MACROD2: variants seen among roughly 807,000 people sequenced by gnomAD.
MACROD2 encodes ADP-ribose glycohydrolase MACROD2.
In MACROD2, 36 loss-of-function variants were observed where a neutral mutation model predicts 70.4. The observed-to-expected ratio is 0.51, with a 90% CI of 0.39 to 0.68. The LOEUF (loss-of-function observed/expected upper bound fraction) is 0.68. Among genes scored for constraint, MACROD2 ranks in the 30% least tolerant of loss-of-function variants. MACROD2 has a pLI of 0.00. For synonymous variants in MACROD2, 172 were observed against 178.8 expected, an observed-to-expected ratio of 0.96 and a Z score of 0.30; for missense variants, 496 against 538.4, an observed-to-expected ratio of 0.92 and a Z score of 0.78.
intron 3 of MACROD2, among the ~76,000 whole-genome samples, chr20:14,282,130 A>G (rs1429030318): frequency 1.3e-5 from 2 of 151,980 alleles, no homozygotes; most frequent in African/African-American, 2.4e-5. Flanking sequence ...TCTACATTCA[A>G]TTTATTGTAA....
At chr20:14,722,695 T>C (rs778879881) in intron 5 of MACROD2, among the ~76,000 whole-genome samples, 1 of 152,206 alleles carries the variant, frequency 6.6e-6, no homozygotes, top group African/African-American at 2.4e-5. Flanking sequence ...TAAGTTCAAG[T>C]AGAATTTAGT....
chr20:15,215,035 G>A (rs954265560), intron 5 of MACROD2, among the ~76,000 whole-genome samples: 2 of 151,992 alleles, frequency 1.3e-5, no homozygotes, highest in Admixed American at 1.3e-4. Flanking sequence ...ATAATAATTA[G>A]GTATCTAAAA....
chr20:15,759,403 T>G (rs1228644439), intron 8 of MACROD2, among the ~76,000 whole-genome samples: 4 of 152,154 alleles, frequency 2.6e-5, no homozygotes, highest in Admixed American at 6.5e-5. Context: ...AAATGCCTGA[T>G]AGAGGATAAT....
At chr20:14,737,685 T>A (rs2071684013) in intron 5 of MACROD2, among the ~76,000 whole-genome samples, 1 of 152,242 alleles carries the variant, frequency 6.6e-6, no homozygotes, top group South Asian at 2.1e-4. Context: ...GGTTTTGATT[T>A]GCATTTCTCT....
chr20:14,269,071 T>A (rs2082168436), intron 3 of MACROD2, among the ~76,000 whole-genome samples: 1 of 152,190 alleles, frequency 6.6e-6, no homozygotes. Context: ...TCAGAGGACT[T>A]TTTCAGCACT....
At position 15,221,063 on chromosome 20, in the gene MACROD2, C is replaced by A. The variant is rs570215217; in HGVS notation, c.419-8877C>A. Among the ~76,000 whole-genome samples, 5 of 152,220 alleles carry A rather than the reference C, an allele frequency of 3.3e-5. No individual in the cohort carries two copies. In the South Asian group the frequency reaches 1.0e-3, roughly 32 times the overall value. On this transcript the variant is annotated intron_variant, in intron 5 of 17. Coordinates refer to ENST00000684519, the MANE Select transcript of MACROD2 (RefSeq NM_001351661.2). ...ACCCATCTGCACATTTCAGTCCCAG[C>A]CTAGATTCTGCATTTGTAGAATTAC...
intron 8 of MACROD2, among the ~76,000 whole-genome samples, chr20:15,657,405 C>A (rs1399267911): frequency 6.6e-6 from 1 of 152,152 alleles, no homozygotes; most frequent in African/African-American, 2.4e-5. Context: ...TGAATAAAAG[C>A]AGTTCCAAGC....
chr20:15,532,500 C>A (rs2047817270), intron 8 of MACROD2, among the ~76,000 whole-genome samples: 1 of 151,936 alleles, frequency 6.6e-6, no homozygotes, highest in Non-Finnish European at 1.5e-5. Flanking sequence ...AAACTTGGCA[C>A]CGTCACTGAG....
chr20:14,417,199 G>T (rs1221671694), intron 3 of MACROD2, among the ~76,000 whole-genome samples: 1 of 151,682 alleles, frequency 6.6e-6, no homozygotes, highest in Non-Finnish European at 1.5e-5. Context: ...CCCTGTTTTA[G>T]TTAAAAGTTT....
intron 5 of MACROD2, among the ~76,000 whole-genome samples, chr20:15,123,956 C>T (rs1440859205): frequency 6.6e-6 from 1 of 152,120 alleles, no homozygotes; most frequent in Admixed American, 6.6e-5. Flanking sequence ...ATAAAACTTT[C>T]TGACTCTCAG....
chr20:15,980,317 A>G (rs1480993075), intron 13 of MACROD2, among the ~76,000 whole-genome samples: 1 of 152,156 alleles, frequency 6.6e-6, no homozygotes, highest in Non-Finnish European at 1.5e-5. Flanking sequence ...AAACAATATA[A>G]AGCGATATGG....
At chr20:15,782,717 C>CAAAAAAAAATAA (rs2051854490) in intron 8 of MACROD2, among the ~76,000 whole-genome samples, 1 of 83,358 alleles carries the variant, frequency 1.2e-5, no homozygotes, top group Non-Finnish European at 2.4e-5. Context: ...AGAGAAATGG[C>CAAAAAAAAATAA]AAAAAAAAAA....
intron 3 of MACROD2, among the ~76,000 whole-genome samples, chr20:14,308,557 G>A (rs889477339): frequency 5.3e-5 from 8 of 152,060 alleles, no homozygotes; most frequent in African/African-American, 1.7e-4. Flanking sequence ...TATTAGCATG[G>A]TACTTAAGAA....
chr20:14,029,553 G>A (rs565750066), intron 2 of MACROD2, among the ~76,000 whole-genome samples: 164 of 152,242 alleles, frequency 1.1e-3, no homozygotes, highest in African/African-American at 3.6e-3. Context: ...GGAGCATCGT[G>A]TCAAAGTTGT....
intron 2 of MACROD2, among the ~76,000 whole-genome samples, chr20:14,084,144 AGGAT>A (rs2054044383): frequency 6.6e-6 from 1 of 151,626 alleles, no homozygotes; most frequent in Admixed American, 6.6e-5. Context: ...AGACAGAGAA[AGGAT>A]CATTTTTATG....
At chr20:15,155,982 T>C (rs1432945274) in intron 5 of MACROD2, among the ~76,000 whole-genome samples, 3 of 152,188 alleles carry the variant, frequency 2.0e-5, no homozygotes, top group African/African-American at 7.2e-5. Context: ...TCCTGGTGTG[T>C]GGGTTTTAAA....
intron 5 of MACROD2, among the ~76,000 whole-genome samples, chr20:15,202,294 A>C (rs2076663279): frequency 6.6e-6 from 1 of 152,198 alleles, no homozygotes; most frequent in African/African-American, 2.4e-5. Context: ...CATTTGCATA[A>C]CTACTGCTTA....
intron 4 of MACROD2, among the ~76,000 whole-genome samples, chr20:14,510,175 C>T (rs559567684): frequency 6.6e-6 from 1 of 151,978 alleles, no homozygotes; most frequent in Admixed American, 6.6e-5. Context: ...TTTATGGCAG[C>T]GTTTGGAACT....
chr20:15,982,190 G>A (rs2066411118), intron 13 of MACROD2, among the ~76,000 whole-genome samples: 1 of 152,062 alleles, frequency 6.6e-6, no homozygotes, highest in Non-Finnish European at 1.5e-5. Context: ...GGGGTTCAGA[G>A]GGGTCATAGC....
Sources: gnomAD v4.1 joint callset for allele counts (sites outside exome capture counted in the v4.1 genomes callset) on GRCh38, gnomAD v4.1.1 for gene constraint, MANE v1.5 for transcripts, NCBI Gene and HGNC (gene_info 2026-07-23, HGNC 2026-07-21) for gene names.